The following TRHDE variants were observed in gnomAD, a reference collection of about 807,000 sequenced individuals.
TRHDE encodes the protein thyrotropin releasing hormone degrading enzyme.
In TRHDE, 72 loss-of-function variants were observed where a neutral mutation model predicts 125.7. That is an observed-to-expected ratio of 0.57 (90% CI 0.47 to 0.70). The LOEUF is 0.70. TRHDE is among the 30% of genes least tolerant of loss of function. The probability of loss-of-function intolerance (pLI) is 0.00; values close to 1 mark genes in which losing one functional copy is unlikely to be tolerated. For synonymous variants in TRHDE, 509 were observed against 509.1 expected (o/e 1.00, Z 0.00); for missense variants, 1,110 against 1,327.1 (o/e 0.84, Z 2.54).
chr12:72,131,997 G>A (rs1395737171), intron 2 of TRHDE, among the ~76,000 whole-genome samples: 3 of 152,158 alleles, frequency 2.0e-5, no homozygotes, highest in African/African-American at 7.2e-5. Context: ...ACCTACTATA[G>A]AGCTTATTTG....
At chr12:72,386,032 T>C (rs1397163687) in intron 3 of TRHDE, among the ~76,000 whole-genome samples, 1 of 152,208 alleles carries the variant, frequency 6.6e-6, no homozygotes, top group East Asian at 1.9e-4. Flanking sequence ...TGGCCTCTTC[T>C]CCTAGAAGCT....
At chr12:72,634,885 T>G (rs567718735) in intron 15 of TRHDE, among the ~76,000 whole-genome samples, 1 of 152,194 alleles carries the variant, frequency 6.6e-6, no homozygotes, top group East Asian at 1.9e-4. Flanking sequence ...CCACATTTTC[T>G]TAATCCAGTC....
chr12:72,386,241 C>T (rs983801111), intron 3 of TRHDE, among the ~76,000 whole-genome samples: 55 of 152,190 alleles, frequency 3.6e-4, no homozygotes, highest in African/African-American at 1.3e-3. Flanking sequence ...TTAAAGAGGC[C>T]TCCAAGGCAT....
chr12:72,094,649 G>A (rs1393085171), intron 1 of TRHDE, among the ~76,000 whole-genome samples: 2 of 152,240 alleles, frequency 1.3e-5, no homozygotes, highest in Non-Finnish European at 2.9e-5. Context: ...GACTGAGGTC[G>A]GCAGGTCTGT....
chr12:72,205,268 TATA>T (rs1877641094), intron 2 of TRHDE, among the ~76,000 whole-genome samples: 1 of 152,020 alleles, frequency 6.6e-6, no homozygotes, highest in African/African-American at 2.4e-5. Context: ...GCTCTGAAGC[TATA>T]ATCCTCTGAA....
intron 12 of TRHDE, among the ~76,000 whole-genome samples, chr12:72,584,704 C>T (rs1208939136): frequency 6.6e-6 from 1 of 152,158 alleles, no homozygotes; most frequent in East Asian, 1.9e-4. Flanking sequence ...CCTCCAGGTT[C>T]ATCCATGTTG....
At chr12:72,269,507 G>A (rs1879144633), upstream of TRHDE, among the ~76,000 whole-genome samples, 1 of 152,118 alleles carries the variant, frequency 6.6e-6, no homozygotes, top group Non-Finnish European at 1.5e-5. Context: ...GACTTTCCTT[G>A]TAGTAATTTT....
intron 15 of TRHDE, among the ~76,000 whole-genome samples, chr12:72,622,378 G>A (rs995832189): frequency 1.3e-5 from 2 of 151,848 alleles, no homozygotes; most frequent in South Asian, 2.1e-4. Flanking sequence ...AAAAATAATC[G>A]AAGATTATTG....
intron 2 of TRHDE, among the ~76,000 whole-genome samples, chr12:72,219,882 A>C (rs956158331): frequency 6.6e-6 from 1 of 152,306 alleles, no homozygotes; most frequent in East Asian, 1.9e-4. Context: ...GAACAATTGT[A>C]AACATTCAAT....
chr12:72,180,446 C>T (rs998671546), intron 2 of TRHDE, among the ~76,000 whole-genome samples: 3 of 152,090 alleles, frequency 2.0e-5, no homozygotes, highest in African/African-American at 7.2e-5. Context: ...ATAGTGCCAG[C>T]CCCTTTAGGC....
At chr12:72,435,000 C>CAGAACTG (rs1874675123) in intron 3 of TRHDE, among the ~76,000 whole-genome samples, 1 of 152,130 alleles carries the variant, frequency 6.6e-6, no homozygotes, top group African/African-American at 2.4e-5. Context: ...GTGGGAATTA[C>CAGAACTG]AGAACTGAGG....
At chr12:72,445,680 T>C (rs1875242217) in intron 3 of TRHDE, among the ~76,000 whole-genome samples, 1 of 152,004 alleles carries the variant, frequency 6.6e-6, no homozygotes, top group South Asian at 2.1e-4. Context: ...ACTCAATTTA[T>C]GATTGACTCT....
chr12:72,594,894 A>C (rs555656942), intron 12 of TRHDE, among the ~76,000 whole-genome samples: 2,564 of 152,100 alleles, frequency 0.017, 67 homozygotes, highest in African/African-American at 0.058. Context: ...CTGGATTAAG[A>C]AAATGTGGCA....
chr12:72,270,497 A>G (rs933539787), upstream of TRHDE, among the ~76,000 whole-genome samples: 1 of 152,168 alleles, frequency 6.6e-6, no homozygotes, highest in African/African-American at 2.4e-5. Flanking sequence ...GCCAAACACA[A>G]TATTTTAATT....
At chr12:72,422,636 G>A (rs187411404) in intron 3 of TRHDE, among the ~76,000 whole-genome samples, 1 of 152,242 alleles carries the variant, frequency 6.6e-6, no homozygotes, top group East Asian at 1.9e-4. Flanking sequence ...AAGCAAATAT[G>A]CGCAAGAAAT....
At chr12:72,272,023 T>C (rs763072060), upstream of TRHDE, 3 of 456,890 alleles carry the variant, frequency 6.6e-6, no homozygotes, top group African/African-American at 6.0e-5. This position sits in a 1 kb window ranked among gnomAD's most constrained non-coding sequence, Gnocchi z 6.7. Flanking sequence ...GACTTCCTCC[T>C]GCTGGTTCAC....
intron 1 of TRHDE, among the ~76,000 whole-genome samples, chr12:72,090,716 A>G (rs1874770249): frequency 1.3e-5 from 2 of 152,216 alleles, no homozygotes; most frequent in Non-Finnish European, 2.9e-5. Flanking sequence ...GACATAATTC[A>G]TACTTATTAT....
chr12:72,353,168 C>T (rs1870660531), intron 2 of TRHDE, among the ~76,000 whole-genome samples: 1 of 151,544 alleles, frequency 6.6e-6, no homozygotes, highest in Admixed American at 6.6e-5. Context: ...AATACATTGA[C>T]ATTCAAAATT....
At chr12:72,440,396 T>C (rs530986122) in intron 3 of TRHDE, among the ~76,000 whole-genome samples, 2 of 152,058 alleles carry the variant, frequency 1.3e-5, no homozygotes, top group East Asian at 3.9e-4. Context: ...TTATTACTTA[T>C]TCAATCTCAA....
Sources: gnomAD v4.1 joint callset for allele counts (sites outside exome capture counted in the v4.1 genomes callset) on GRCh38, gnomAD v4.1.1 for gene constraint, Gnocchi (gnomAD v3.1) non-coding constraint, MANE v1.5 for transcripts, NCBI Gene and HGNC (gene_info 2026-07-23, HGNC 2026-07-21) for gene names.